VRK3: variants seen among roughly 807,000 people sequenced by gnomAD.
VRK3 encodes serine/threonine-protein kinase VRK3.
Under a neutral mutation model 60.4 loss-of-function variants are expected in VRK3, and 50 were observed. The ratio of observed to expected loss-of-function variants is 0.83; its 90% CI spans 0.66 to 1.05. VRK3 has a LOEUF of 1.05. Ranked by LOEUF, VRK3 falls within the 50% of genes least tolerant of loss-of-function variation. VRK3 has a pLI of 0.00. For missense variants in VRK3, 549 were observed against 585.3 expected (o/e 0.94, Z 0.64); for synonymous variants, 246 against 227.8 (o/e 1.08, Z -0.72).
chr19:49,991,217 G>A (rs1314066824), intron 10 of VRK3, among the ~76,000 whole-genome samples: 1 of 152,196 alleles, frequency 6.6e-6, no homozygotes, highest in African/African-American at 2.4e-5. Flanking sequence ...TTTGTAGACT[G>A]AGCAAGGCAG....
chr19:50,013,225 T>G (rs147555381), intron 3 of VRK3, among the ~76,000 whole-genome samples: 1 of 152,154 alleles, frequency 6.6e-6, no homozygotes, highest in Non-Finnish European at 1.5e-5. Context: ...AGGCAAACGC[T>G]GTTCACATTT....
intron 12 of VRK3, among the ~76,000 whole-genome samples, chr19:49,984,029 T>G (rs1241675774): frequency 6.6e-6 from 1 of 152,220 alleles, no homozygotes; most frequent in Non-Finnish European, 1.5e-5. Flanking sequence ...ATGACCTGTC[T>G]TAACTCACCC....
At position 49,991,298 on chromosome 19, in the gene VRK3, A is replaced by G. The variant is rs571594106; in HGVS notation, c.964-1527T>C. On this transcript the variant is annotated intron_variant, in intron 10 of 14. Transcript: ENST00000316763. ...TGTGAATAGAATAAAAAGCTAAGTA[A>G]CCAGAAGCTCCTCCTCCCTGACTGC... Among the ~76,000 whole-genome samples, 45 of 152,244 alleles carry G rather than the reference A, an allele frequency of 3.0e-4. 1 individual carries two copies. The highest frequency in any genetic ancestry group is 1.8e-3 in the Admixed American group (27 of 15,294).
At chr19:50,009,426 G>A (rs756403951) in intron 3 of VRK3, 41 bp from the exon 4 acceptor site, 12 of 1,607,670 alleles carry the variant, frequency 7.5e-6, no homozygotes, top group Non-Finnish European at 9.3e-6. Context: ...AGTTACAAAG[G>A]CCCCTCTGCA....
At chr19:50,001,417 G>C (rs771616207) in intron 5 of VRK3, 3 of 152,692 alleles carry the variant, frequency 2.0e-5, no homozygotes, top group Non-Finnish European at 4.4e-5. Flanking sequence ...CCCAGGTCCA[G>C]TGACTGATTG....
intron 5 of VRK3, among the ~76,000 whole-genome samples, chr19:50,003,064 C>G (rs10403900): frequency 0.052 from 7,973 of 152,210 alleles, 689 homozygotes; most frequent in African/African-American, 0.18. Flanking sequence ...TTACCATCTC[C>G]CCTCTGCAGA....
rs769811296 is a variant in VRK3, at chr19:49,988,400, T to C, written c.1189A>G (p.Thr397Ala). ...FLPWTNCLPN[T>A]EDIMKQKQKF... ...TGTTTTTGCTTCATGATGTCCTCAG[T>C]GTTGGGAAGGCAATTTGTCCATGGC... is the stretch of plus-strand genomic sequence containing the variant. Residue 397 changes from threonine to alanine, a missense_variant, in exon 12 of 15, where the codon ACT (threonine) becomes GCT (alanine). Transcript: ENST00000316763. 1.3e-5 allele frequency: 21 copies of C among 1,613,078 alleles called. No homozygotes were observed. Among genetic ancestry groups the C allele is most frequent in the Non-Finnish European group, 1.6e-5 (19 of 1,179,430 alleles).
intron 14 of VRK3, among the ~76,000 whole-genome samples, chr19:49,977,760 T>C (rs2076355414): frequency 6.6e-6 from 1 of 152,082 alleles, no homozygotes. Context: ...AGGAGCTGTG[T>C]ATCGAGCTGG....
At chr19:50,008,303 C>G (rs2076935301) in intron 4 of VRK3, among the ~76,000 whole-genome samples, 2 of 147,854 alleles carry the variant, frequency 1.4e-5, no homozygotes, top group African/African-American at 4.9e-5. Context: ...TTTGTTAGAC[C>G]AAAGCCCTGC....
chr19:50,015,377 C>T (rs765791395), intron 3 of VRK3, among the ~76,000 whole-genome samples: 19 of 152,110 alleles, frequency 1.2e-4, no homozygotes, highest in South Asian at 6.2e-4. Context: ...GGTGCAATCT[C>T]GGCTCACTGC....
chr19:50,022,256 T>C (rs1449853374), intron 1 of VRK3, among the ~76,000 whole-genome samples: 1 of 152,220 alleles, frequency 6.6e-6, no homozygotes, highest in Non-Finnish European at 1.5e-5. Flanking sequence ...GATTTAAATC[T>C]GGAAGCTGAT....
At chr19:49,983,157 G>GCA (rs1271518815) in intron 12 of VRK3, among the ~76,000 whole-genome samples, 1 of 118,914 alleles carries the variant, frequency 8.4e-6, no homozygotes, top group Non-Finnish European at 1.7e-5. Context: ...TGGCTCCCCA[G>GCA]CACACACTGG....
intron 14 of VRK3, 134 bp downstream of exon 14, chr19:49,978,949 A>T: frequency 1.1e-6 from 1 of 940,694 alleles, no homozygotes; most frequent in East Asian, 2.9e-5. Context: ...GTGCGGAAAA[A>T]CCCAGTGTCT....
At chr19:49,980,334 T>C (rs1396349527) in intron 13 of VRK3, among the ~76,000 whole-genome samples, 1 of 152,124 alleles carries the variant, frequency 6.6e-6, no homozygotes, top group Non-Finnish European at 1.5e-5. Context: ...GTGGTGCATC[T>C]ATAAGGAAGG....
At chr19:50,024,663 A>T (rs1212610685) in intron 1 of VRK3, among the ~76,000 whole-genome samples, 1 of 152,228 alleles carries the variant, frequency 6.6e-6, no homozygotes, top group Non-Finnish European at 1.5e-5. Flanking sequence ...ATAGTAGTGT[A>T]ATATCGGTTG....
At chr19:50,016,441 C>T (rs1003393333) in intron 2 of VRK3, among the ~76,000 whole-genome samples, 8 of 152,188 alleles carry the variant, frequency 5.3e-5, no homozygotes, top group Admixed American at 1.3e-4. Flanking sequence ...GTAGAGTCAT[C>T]TCATGGCCGA....
chr19:50,018,647 T>A (rs1223402683), intron 2 of VRK3, among the ~76,000 whole-genome samples: 2 of 152,230 alleles, frequency 1.3e-5, no homozygotes, highest in African/African-American at 4.8e-5. Context: ...TAACTTAAGT[T>A]AGCCAGACTA....
intron 14 of VRK3, among the ~76,000 whole-genome samples, chr19:49,978,106 G>A (rs904275217): frequency 2.0e-5 from 3 of 152,276 alleles, no homozygotes; most frequent in East Asian, 1.9e-4. Flanking sequence ...TGCTGACCAC[G>A]GGGCCGGGGG....
chr19:49,998,339 T>C (rs2076740842), intron 6 of VRK3: 1 of 151,786 alleles, frequency 6.6e-6, no homozygotes, highest in East Asian at 1.9e-4. Flanking sequence ...ATACGAAAAT[T>C]AGCCAGGCAT....
Sources: gnomAD v4.1 joint callset for allele counts (sites outside exome capture counted in the v4.1 genomes callset) on GRCh38, gnomAD v4.1.1 for gene constraint, MANE v1.5 for transcripts, NCBI Gene and HGNC (gene_info 2026-07-23, HGNC 2026-07-21) for gene names.